CACNA1I: variants seen among roughly 807,000 people sequenced by gnomAD.
CACNA1I encodes calcium voltage-gated channel subunit alpha1 I.
A neutral mutation model predicts 201.6 loss-of-function variants in CACNA1I; 74 were observed. The observed-to-expected ratio is 0.37, with a 90% CI of 0.30 to 0.45. CACNA1I has a LOEUF of 0.45. Among genes scored for constraint, CACNA1I ranks in the 20% least tolerant of loss-of-function variants. The pLI is 1.00. For missense variants in CACNA1I, 2,346 were observed against 3,138.1 expected (o/e 0.75, Z 6.03); for synonymous variants, 1,431 against 1,345.2 (o/e 1.06, Z -1.40).
intron 3 of CACNA1I, among the ~76,000 whole-genome samples, chr22:39,617,498 T>A (rs1055111930): frequency 6.6e-6 from 1 of 151,692 alleles, no homozygotes; most frequent in African/African-American, 2.4e-5. Context: ...TGGGGAGGGC[T>A]GGCTGGAGCT....
At chr22:39,580,950 C>T (rs1932527891) in intron 1 of CACNA1I, among the ~76,000 whole-genome samples, 1 of 152,202 alleles carries the variant, frequency 6.6e-6, no homozygotes, top group Admixed American at 6.5e-5. Context: ...GCCTGTTCAG[C>T]CATGTCATGT....
chr22:39,663,683 C>T (rs375878039), intron 18 of CACNA1I, 35 bp from the exon 19 acceptor site: 7 of 1,611,210 alleles, frequency 4.3e-6, no homozygotes, highest in Non-Finnish European at 5.9e-6. Context: ...TGGGAGGCAG[C>T]TGACGCTCAG....
intron 3 of CACNA1I, among the ~76,000 whole-genome samples, chr22:39,601,342 T>G (rs916120027): frequency 6.6e-6 from 1 of 152,220 alleles, no homozygotes; most frequent in Middle Eastern, 3.2e-3. Flanking sequence ...GCTACGCCAG[T>G]GGGCGTGCCT....
chr22:39,679,802 G>C lies in CACNA1I; in HGVS notation c.5475G>C (p.Ser1825=), dbSNP rs57098460. Residue 1825 remains serine, a synonymous_variant, in exon 33 of 37, where the codon TCG becomes TCC. Coordinates refer to ENST00000402142, the MANE Select transcript of CACNA1I (RefSeq NM_021096.4). ...AGCTGACCATCATCGACAACCTGTCGGGCTCCATCTTCCACCACTACTCCT... is the reference window on the plus strand; with the variant it reads ...AGCTGACCATCATCGACAACCTGTCCGGCTCCATCTTCCACCACTACTCCT... ...EGELTIIDNL[S]GSIFHHYSSP... 1 of 1,612,966 alleles carries C rather than the reference G, an allele frequency of 6.2e-7. No homozygotes were observed. The highest frequency in any genetic ancestry group is 8.5e-7 in the Non-Finnish European group (1 of 1,179,586).
At chr22:39,679,603 C>A in intron 32 of CACNA1I, 119 bp from the exon 33 acceptor site, 2 of 1,099,106 alleles carry the variant, frequency 1.8e-6, no homozygotes, top group Non-Finnish European at 2.6e-6. Flanking sequence ...ATGAGGGGGT[C>A]GGTCCCAGGC....
chr22:39,601,073 G>T (rs1933016709), intron 3 of CACNA1I, among the ~76,000 whole-genome samples: 1 of 152,146 alleles, frequency 6.6e-6, no homozygotes, highest in Non-Finnish European at 1.5e-5. Flanking sequence ...TCCAGACTGT[G>T]GTTATTTCTA....
intron 10 of CACNA1I, among the ~76,000 whole-genome samples, chr22:39,652,169 A>G (rs574749743): frequency 6.6e-6 from 1 of 152,004 alleles, no homozygotes; most frequent in East Asian, 1.9e-4. Flanking sequence ...ACTCCCAGCT[A>G]ATTTTTAGTA....
chr22:39,597,015 C>G (rs1932908053), intron 1 of CACNA1I, among the ~76,000 whole-genome samples: 2 of 152,210 alleles, frequency 1.3e-5, no homozygotes, highest in South Asian at 4.1e-4. Context: ...ACTCCCGACT[C>G]CAGTCATTGC....
In CACNA1I at chr22:39,629,113, G is replaced by A. The variant is rs953175759; in HGVS notation, c.581-5452G>A. 6.6e-6 allele frequency among the ~76,000 whole-genome samples: 1 copy of A among 152,122 alleles called. No homozygotes were observed. The highest frequency in any genetic ancestry group is 2.4e-5 in the African/African-American group (1 of 41,416). On this transcript the variant is annotated intron_variant, in intron 4 of 36. Coordinates refer to ENST00000402142, the MANE Select transcript of CACNA1I (RefSeq NM_021096.4). This position sits in a 1 kb window ranked among gnomAD's most constrained non-coding sequence, Gnocchi z 4.8. ...GCTCTAGCCTAGGGGTCCCCAAAAA[G>A]GGTGAGCAGCTCCATCCACTTGCCC...
intron 3 of CACNA1I, among the ~76,000 whole-genome samples, chr22:39,616,783 A>AAAAAG (rs1569063590): frequency 1.7e-5 from 1 of 60,604 alleles, no homozygotes; most frequent in African/African-American, 4.3e-5. Context: ...AAAAAAAAAA[A>AAAAAG]AAAAGAAAAG....
At chr22:39,620,350 G>A (rs1306312464) in intron 4 of CACNA1I, among the ~76,000 whole-genome samples, 1 of 144,316 alleles carries the variant, frequency 6.9e-6, no homozygotes, top group African/African-American at 2.6e-5. Flanking sequence ...TGTATAGTCA[G>A]CCAGACATCC....
Position 39,666,982 on chromosome 22 carries a change from G to A in CACNA1I, c.4104+976G>A, listed in dbSNP as rs544043091. ...TGGGCCCCGCCCCAGTGCCAGCTCC[G>A]CCCCTTTGGAGCATTTCTGGGTCTG... is the stretch of plus-strand genomic sequence containing the variant. On this transcript the variant is annotated intron_variant, in intron 23 of 36. Coordinates refer to ENST00000402142, the MANE Select transcript of CACNA1I (RefSeq NM_021096.4). This position sits in a 1 kb window ranked among gnomAD's most constrained non-coding sequence, Gnocchi z 4.1. 1.4e-4 allele frequency among the ~76,000 whole-genome samples: 22 copies of A among 152,302 alleles called. No individual in the cohort carries two copies. Among genetic ancestry groups the A allele is most frequent in the Admixed American group, 7.8e-4 (12 of 15,306 alleles).
intron 3 of CACNA1I, among the ~76,000 whole-genome samples, chr22:39,614,998 CTG>C (rs767442713): frequency 6.6e-6 from 1 of 152,218 alleles, no homozygotes. Flanking sequence ...GAGAAAGTAA[CTG>C]TGTAATTAGG....
At position 39,659,514 on chromosome 22, in the gene CACNA1I, C is replaced by T. The variant is rs188852868; in HGVS notation, c.2412C>T (p.Phe804=). 1.9e-5 allele frequency: 31 copies of T among 1,598,092 alleles called. No homozygotes were observed. The highest frequency in any genetic ancestry group is 2.3e-5 in the East Asian group (1 of 44,198). ...ACACGGTGCCCGACAGGAAGAACTTCGACTCCCTGCTGTGGGCCATCGTCA... is the reference window on the plus strand; with the variant it reads ...ACACGGTGCCCGACAGGAAGAACTTTGACTCCCTGCTGTGGGCCATCGTCA... The part of the protein sequence containing the change: ...TGDTVPDRKN[F]DSLLWAIVTV... The change falls in exon 13 of 37, where the codon TTC becomes TTT. Residue 804 remains phenylalanine (F), a synonymous_variant. Coordinates refer to ENST00000402142, the MANE Select transcript of CACNA1I (RefSeq NM_021096.4). The surrounding 1 kb of genome is among the most constrained non-coding windows in gnomAD (Gnocchi z 4.3).
Position 39,679,727 on chromosome 22 carries a change from C to G in CACNA1I, c.5400C>G (p.Asn1800Lys), listed in dbSNP as rs746664233. ...CCCCGTCCCCGTCCGCCTAGGAGAA[C>G]CTGTGGCTGGACAGCGTCTCTTTAA... is the stretch of plus-strand genomic sequence containing the variant. ...CRRCYSPAQE[N>K]LWLDSVSLII... is the part of the protein sequence containing the mutation. Residue 1800 changes from asparagine to lysine, a missense_variant, in exon 33 of 37, where the codon AAC (asparagine) becomes AAG (lysine). Physicochemically the swap from Asn to Lys is moderately conservative, Grantham distance 94. Transcript: ENST00000402142. 9.9e-6 allele frequency: 16 copies of G among 1,611,542 alleles called. No individual in the cohort carries two copies. Among genetic ancestry groups the G allele is most frequent in the African/African-American group, 1.3e-5 (1 of 74,852 alleles).
chr22:39,650,522 C>G (rs560111320), intron 10 of CACNA1I, among the ~76,000 whole-genome samples: 2 of 152,260 alleles, frequency 1.3e-5, no homozygotes, highest in East Asian at 3.9e-4. Context: ...TCTTGTTGGG[C>G]TCTTCCCTGC....
At chr22:39,655,345 C>T (rs1275111658) in intron 10 of CACNA1I, among the ~76,000 whole-genome samples, 1 of 152,174 alleles carries the variant, frequency 6.6e-6, no homozygotes, top group African/African-American at 2.4e-5. Flanking sequence ...CACCCAAACC[C>T]GCATCAGGCA....
chr22:39,619,933 GTCCA>G lies in CACNA1I; in HGVS notation c.580+542_580+545del, dbSNP rs778287495. ...CATCCACCCGTCCACCTATCCACCT[GTCCA>G]TCCATCCATCCATCCGTCCGTCCGT... is the stretch of plus-strand genomic sequence containing the variant. On this transcript the variant is annotated intron_variant, in intron 4 of 36. Coordinates refer to ENST00000402142, the MANE Select transcript of CACNA1I (RefSeq NM_021096.4). 6.2e-3 allele frequency among the ~76,000 whole-genome samples: 930 copies of G among 151,042 alleles called. 9 individuals carry two copies. Among genetic ancestry groups the G allele is most frequent in the Non-Finnish European group, 8.4e-3 (566 of 67,722 alleles).
At chr22:39,610,849 C>T (rs981173063) in intron 3 of CACNA1I, among the ~76,000 whole-genome samples, 12 of 152,352 alleles carry the variant, frequency 7.9e-5, no homozygotes, top group African/African-American at 2.9e-4. Context: ...TCAGACACAC[C>T]TTTCCTTTCC....
Sources: gnomAD v4.1 joint callset for allele counts (sites outside exome capture counted in the v4.1 genomes callset) on GRCh38, gnomAD v4.1.1 for gene constraint, Gnocchi (gnomAD v3.1) non-coding constraint, MANE v1.5 for transcripts, NCBI Gene and HGNC (gene_info 2026-07-23, HGNC 2026-07-21) for gene names.